CTNNA3: variants seen among roughly 807,000 people sequenced by gnomAD.
CTNNA3 encodes catenin alpha-3.
CTNNA3 carries 76 observed loss-of-function variants against 95.7 expected under a neutral mutation model. The ratio of observed to expected loss-of-function variants is 0.79; its 90% CI spans 0.66 to 0.96. CTNNA3 has a LOEUF of 0.96. CTNNA3 is among the 40% of genes least tolerant of loss of function. The pLI is 0.00. For synonymous variants in CTNNA3, 431 were observed against 374.4 expected (o/e 1.15, Z -1.74); for missense variants, 1,191 against 1,089.8 (o/e 1.09, Z -1.31).
intron 13 of CTNNA3, among the ~76,000 whole-genome samples, chr10:66,156,743 G>A (rs899695285): frequency 6.6e-6 from 1 of 151,888 alleles, no homozygotes; most frequent in African/African-American, 2.4e-5. Context: ...CCAAAGTGTG[G>A]TTAATGAGGT....
In CTNNA3 at chr10:66,845,719, A is replaced by ATAAATAAATAAATAAATAAATAAATAAAT. The variant is rs1460976033; in HGVS notation, c.1048-70196_1048-70195insATTTATTTATTTATTTATTTATTTATTTA. ...ACTCTGTCTCAAAAAAAAAAAAAAA[A>ATAAATAAATAAATAAATAAATAAATAAAT]AAAAAAAAAACTAAAAAGGTGAGAT... is the stretch of plus-strand genomic sequence containing the variant. On this transcript the variant is annotated intron_variant, in intron 7 of 17. Transcript: ENST00000433211. 1.7e-3 allele frequency among the ~76,000 whole-genome samples: 123 copies of ATAAATAAATAAATAAATAAATAAATAAAT among 73,266 alleles called. 7 individuals carry two copies. Among genetic ancestry groups the ATAAATAAATAAATAAATAAATAAATAAAT allele is most frequent in the Non-Finnish European group, 3.0e-3 (85 of 28,202 alleles). The allele number at this position is 73,266 out of a possible 152,430, so 48.1% of individuals were successfully genotyped here.
intron 17 of CTNNA3, among the ~76,000 whole-genome samples, chr10:65,934,860 A>G (rs1322365398): frequency 6.6e-6 from 1 of 152,128 alleles, no homozygotes; most frequent in African/African-American, 2.4e-5. Context: ...GACCGATATA[A>G]GATGGCCATT....
At chr10:66,942,377 T>G (rs1440191815) in intron 7 of CTNNA3, among the ~76,000 whole-genome samples, 5 of 152,212 alleles carry the variant, frequency 3.3e-5, no homozygotes, top group Non-Finnish European at 5.9e-5. Context: ...TTAATGGACT[T>G]GCTCTATTAA....
chr10:66,006,614 T>C (rs10996823), intron 15 of CTNNA3, among the ~76,000 whole-genome samples: 3,620 of 152,294 alleles, frequency 0.024, 50 homozygotes, highest in Non-Finnish European at 0.037. Context: ...TCAGCATTAA[T>C]CATGCACATG....
chr10:67,508,879 AT>A (rs200576825), intron 5 of CTNNA3, among the ~76,000 whole-genome samples: 32,190 of 146,952 alleles, frequency 0.22, 4,220 homozygotes, highest in East Asian at 0.65. Context: ...CTAAATAGAC[AT>A]TTTTTTTTTT....
chr10:67,371,799 A>G (rs61866917), intron 5 of CTNNA3, among the ~76,000 whole-genome samples: 1 of 152,328 alleles, frequency 6.6e-6, no homozygotes, highest in Non-Finnish European at 1.5e-5. Context: ...CTGAAGAATC[A>G]CCACACTGTC....
chr10:67,690,145 G>A (rs1445571798), intron 1 of CTNNA3, among the ~76,000 whole-genome samples: 1 of 152,118 alleles, frequency 6.6e-6, no homozygotes, highest in East Asian at 1.9e-4. Context: ...TGGTCTTGCT[G>A]ACTTCAGGAG....
intron 3 of CTNNA3, among the ~76,000 whole-genome samples, chr10:67,563,203 C>T (rs1209447722): frequency 6.6e-6 from 1 of 152,128 alleles, no homozygotes; most frequent in African/African-American, 2.4e-5. Context: ...GCCAAAAGAA[C>T]AAAGCTGGAG....
At chr10:66,087,191 C>T (rs944946092) in intron 14 of CTNNA3, among the ~76,000 whole-genome samples, 2 of 152,018 alleles carry the variant, frequency 1.3e-5, no homozygotes, top group Non-Finnish European at 2.9e-5. Flanking sequence ...CAATTTAAAT[C>T]AAACACCATC....
intron 15 of CTNNA3, among the ~76,000 whole-genome samples, chr10:66,016,848 A>C (rs2079105367): frequency 6.6e-6 from 1 of 152,184 alleles, no homozygotes; most frequent in African/African-American, 2.4e-5. Context: ...CTGGGTGTCA[A>C]AAATAGAAAT....
At chr10:65,924,681 C>G (rs1467376428) in intron 17 of CTNNA3, among the ~76,000 whole-genome samples, 1 of 152,176 alleles carries the variant, frequency 6.6e-6, no homozygotes, top group African/African-American at 2.4e-5. Flanking sequence ...AGGTGACTGT[C>G]TACCATTTTT....
chr10:67,703,849 G>C (rs1841060500), intron 1 of CTNNA3, among the ~76,000 whole-genome samples: 1 of 152,236 alleles, frequency 6.6e-6, no homozygotes, highest in South Asian at 2.1e-4. Flanking sequence ...CCTGTTTGCA[G>C]ATGACATGAT....
chr10:66,156,871 C>T (rs769842194), intron 13 of CTNNA3, among the ~76,000 whole-genome samples: 5 of 151,882 alleles, frequency 3.3e-5, no homozygotes, highest in East Asian at 1.9e-4. Context: ...GGAGAGGGAT[C>T]ATGTATAATT....
At chr10:66,087,293 CTT>C (rs1383136984) in intron 14 of CTNNA3, among the ~76,000 whole-genome samples, 1 of 152,108 alleles carries the variant, frequency 6.6e-6, no homozygotes, top group Non-Finnish European at 1.5e-5. Context: ...GAAGCTCTCT[CTT>C]CTTTCTTTTG....
chr10:66,099,049 T>C (rs1257225711), intron 14 of CTNNA3, among the ~76,000 whole-genome samples: 18 of 152,168 alleles, frequency 1.2e-4, no homozygotes. Context: ...ATACAGAAAG[T>C]AAAATGATAA....
chr10:66,114,517 T>C (rs2082248028), intron 13 of CTNNA3, among the ~76,000 whole-genome samples: 2 of 151,642 alleles, frequency 1.3e-5, no homozygotes, highest in Admixed American at 1.3e-4. Context: ...TGTATATATA[T>C]ATAGTCTAAT....
chr10:66,503,873 A>T (rs1840361242), intron 11 of CTNNA3, among the ~76,000 whole-genome samples: 1 of 152,178 alleles, frequency 6.6e-6, no homozygotes, highest in Non-Finnish European at 1.5e-5. Flanking sequence ...AGTAAGAACG[A>T]TAGGCAGTTT....
At chr10:67,391,062 T>C (rs1421423776) in intron 5 of CTNNA3, among the ~76,000 whole-genome samples, 1 of 150,688 alleles carries the variant, frequency 6.6e-6, no homozygotes, top group African/African-American at 2.4e-5. Context: ...CCAGGGCAAT[T>C]AGGCAGGAGA....
chr10:66,646,455 T>C (rs1010972514), intron 9 of CTNNA3, among the ~76,000 whole-genome samples: 5 of 152,112 alleles, frequency 3.3e-5, no homozygotes, highest in African/African-American at 9.7e-5. Context: ...GCTGACCTTT[T>C]TTGGGGCAAG....
Sources: gnomAD v4.1 joint callset for allele counts (sites outside exome capture counted in the v4.1 genomes callset) on GRCh38, gnomAD v4.1.1 for gene constraint, MANE v1.5 for transcripts, NCBI Gene and HGNC (gene_info 2026-07-23, HGNC 2026-07-21) for gene names.